The following AGBL4 variants were observed in gnomAD, a reference collection of about 807,000 sequenced individuals.
AGBL4 encodes cytosolic carboxypeptidase 6.
AGBL4 carries 58 observed loss-of-function variants against 66.4 expected under a neutral mutation model. The observed-to-expected ratio is 0.87, with a 90% CI of 0.71 to 1.09. The LOEUF is 1.09. Ranked by LOEUF, AGBL4 falls within the 50% of genes least tolerant of loss-of-function variation. The pLI, the probability that AGBL4 is intolerant of heterozygous loss-of-function variation, is 0.00. For missense variants in AGBL4, 579 were observed against 631.0 expected (o/e 0.92, Z 0.88); for synonymous variants, 234 against 222.9 (o/e 1.05, Z -0.44).
intron 1 of AGBL4, among the ~76,000 whole-genome samples, chr1:49,965,128 A>T (rs997390829): frequency 6.6e-6 from 1 of 152,154 alleles, no homozygotes; most frequent in Non-Finnish European, 1.5e-5. Context: ...TCTCAGACTA[A>T]CAATAAGAAA....
chr1:49,267,455 C>A (rs1482893734), intron 3 of AGBL4, among the ~76,000 whole-genome samples: 1 of 152,092 alleles, frequency 6.6e-6, no homozygotes, highest in African/African-American at 2.4e-5. Flanking sequence ...CCAAAGCGGG[C>A]AGATCACGAG....
intron 2 of AGBL4, among the ~76,000 whole-genome samples, chr1:49,784,548 TA>T (rs962629441): frequency 1.3e-5 from 2 of 151,932 alleles, no homozygotes; most frequent in Non-Finnish European, 2.9e-5. Flanking sequence ...GAGCTAAAAC[TA>T]ATAAGAAAAC....
At chr1:49,387,725 T>C (rs926259216) in intron 3 of AGBL4, among the ~76,000 whole-genome samples, 1 of 152,048 alleles carries the variant, frequency 6.6e-6, no homozygotes, top group Non-Finnish European at 1.5e-5. Context: ...TAAACTCCTT[T>C]CTGATATTGA....
chr1:48,573,064 C>A (rs1431295147), intron 11 of AGBL4, among the ~76,000 whole-genome samples: 1 of 152,210 alleles, frequency 6.6e-6, no homozygotes, highest in African/African-American at 2.4e-5. Context: ...TGCCTCTACA[C>A]CGGCCCAGCG....
chr1:49,097,781 A>T (rs2147994589), intron 4 of AGBL4, among the ~76,000 whole-genome samples: 1 of 152,302 alleles, frequency 6.6e-6, no homozygotes, highest in Non-Finnish European at 1.5e-5. Context: ...AGGTTTCGCC[A>T]TGTTGGCCAG....
intron 3 of AGBL4, among the ~76,000 whole-genome samples, chr1:49,413,676 T>G (rs546083624): frequency 6.6e-6 from 1 of 152,338 alleles, no homozygotes; most frequent in Non-Finnish European, 1.5e-5. Context: ...TCAGTAACCC[T>G]GATCATCGCT....
chr1:48,887,846 C>T (rs1539620), intron 5 of AGBL4, among the ~76,000 whole-genome samples: 74,714 of 151,978 alleles, frequency 0.49, 21,809 homozygotes, highest in Non-Finnish European at 0.67. Context: ...CTGTGTGCTC[C>T]TTGAGGACCT....
At chr1:49,748,102 G>C (rs1398692194) in intron 2 of AGBL4, among the ~76,000 whole-genome samples, 1 of 152,082 alleles carries the variant, frequency 6.6e-6, no homozygotes, top group Non-Finnish European at 1.5e-5. Flanking sequence ...ACCGTGGTTT[G>C]CTGCACCCAT....
chr1:48,756,538 T>A (rs1385704685), intron 6 of AGBL4, among the ~76,000 whole-genome samples: 1 of 152,022 alleles, frequency 6.6e-6, no homozygotes, highest in Non-Finnish European at 1.5e-5. Context: ...GAAAATAAGG[T>A]CATAGGAAAG....
chr1:49,760,037 G>C (rs1652185674), intron 2 of AGBL4, among the ~76,000 whole-genome samples: 1 of 152,180 alleles, frequency 6.6e-6, no homozygotes, highest in South Asian at 2.1e-4. Context: ...AGATAGAGAT[G>C]ATGGTAATAT....
At chr1:49,866,059 AAAG>A (rs1039328318) in intron 1 of AGBL4, 128 of 199,472 alleles carry the variant, frequency 6.4e-4, no homozygotes, top group African/African-American at 2.7e-3. Context: ...AAGATTAGAG[AAAG>A]AAGAATAAAA....
intron 6 of AGBL4, among the ~76,000 whole-genome samples, chr1:48,674,509 G>A (rs1038743892): frequency 2.0e-5 from 3 of 149,736 alleles, no homozygotes; most frequent in Admixed American, 2.0e-4. Flanking sequence ...GTGGGCTGGG[G>A]GTGTTGGGCG....
intron 3 of AGBL4, among the ~76,000 whole-genome samples, chr1:49,494,277 T>G (rs1049925361): frequency 7.1e-6 from 1 of 141,802 alleles, no homozygotes; most frequent in African/African-American, 2.7e-5. Flanking sequence ...TTGCCTTGAG[T>G]TTTTTTTTTT....
At chr1:49,096,292 G>A (rs1368797669) in intron 4 of AGBL4, among the ~76,000 whole-genome samples, 5 of 152,054 alleles carry the variant, frequency 3.3e-5, no homozygotes, top group South Asian at 2.1e-4. Context: ...GATTCCTCAG[G>A]GATCTAGAAC....
chr1:49,809,054 G>A (rs1273796001), intron 2 of AGBL4, among the ~76,000 whole-genome samples: 3 of 152,092 alleles, frequency 2.0e-5, no homozygotes, highest in Non-Finnish European at 1.5e-5. Flanking sequence ...GTGTAAATAT[G>A]GAGTTATGTG....
chr1:48,689,203 CAAA>C (rs939955179), intron 6 of AGBL4, among the ~76,000 whole-genome samples: 6 of 53,344 alleles, frequency 1.1e-4, no homozygotes, highest in African/African-American at 1.8e-4. Context: ...GACCCGGTCT[CAAA>C]AAAAAAAAAA....
intron 5 of AGBL4, among the ~76,000 whole-genome samples, chr1:48,884,290 G>C (rs1286002859): frequency 7.7e-6 from 1 of 130,432 alleles, no homozygotes; most frequent in Non-Finnish European, 1.8e-5. Flanking sequence ...ATTTGTTTTT[G>C]TTTGTTTGTT....
intron 8 of AGBL4, among the ~76,000 whole-genome samples, chr1:48,641,266 C>T (rs1570101918): frequency 6.6e-6 from 1 of 152,220 alleles, no homozygotes; most frequent in African/African-American, 2.4e-5. Context: ...GCCAGATAAT[C>T]TGTCATCAAC....
intron 3 of AGBL4, among the ~76,000 whole-genome samples, chr1:49,656,174 C>A (rs1220326647): frequency 6.6e-6 from 1 of 151,728 alleles, no homozygotes; most frequent in East Asian, 1.9e-4. Context: ...TAAAGGGGAT[C>A]CCACCACCAA....
Sources: allele counts gnomAD v4.1 joint callset (sites outside exome capture counted in the v4.1 genomes callset), GRCh38; gene constraint gnomAD v4.1.1; transcripts MANE v1.5; gene names NCBI Gene and HGNC (gene_info 2026-07-23, HGNC 2026-07-21).